The following AGTPBP1 variants were observed in gnomAD, a reference collection of about 807,000 sequenced individuals.
The protein encoded by AGTPBP1 is cytosolic carboxypeptidase 1.
In AGTPBP1, 70 loss-of-function variants were observed where a neutral mutation model predicts 143.9. That is an observed-to-expected ratio of 0.49 (90% CI 0.40 to 0.59). The LOEUF (loss-of-function observed/expected upper bound fraction) is 0.59. Ranked by LOEUF, AGTPBP1 falls within the 20% of genes least tolerant of loss-of-function variation. The probability of loss-of-function intolerance (pLI) is 0.00; values close to 1 mark genes in which losing one functional copy is unlikely to be tolerated. For missense variants in AGTPBP1, 1,229 were observed against 1,464.5 expected, an observed-to-expected ratio of 0.84 and a Z score of 2.62; for synonymous variants, 463 against 500.2, an observed-to-expected ratio of 0.93 and a Z score of 0.99.
At chr9:85,782,755 A>G in the AGTPBP1 span, among the ~76,000 whole-genome samples, 6 of 152,320 alleles carry the variant, frequency 3.9e-5, no homozygotes, top group South Asian at 1.0e-3. Flanking sequence ...TTGCCTGAGG[A>G]TAAAGACGTG....
At chr9:85,638,237 T>G (rs1832211334) in intron 13 of AGTPBP1, among the ~76,000 whole-genome samples, 1 of 152,176 alleles carries the variant, frequency 6.6e-6, no homozygotes, top group Non-Finnish European at 1.5e-5. Context: ...TACTTTAGAC[T>G]TTGATAAATA....
At chr9:85,677,944 C>A (rs143260119) in intron 5 of AGTPBP1, among the ~76,000 whole-genome samples, 98 of 152,274 alleles carry the variant, frequency 6.4e-4, no homozygotes, top group Non-Finnish European at 1.2e-3. Flanking sequence ...GCAGAGGTGG[C>A]AGTGGGCAGA....
chr9:85,640,402 T>C (rs1175856411), intron 13 of AGTPBP1, among the ~76,000 whole-genome samples: 5 of 152,240 alleles, frequency 3.3e-5, no homozygotes, highest in Admixed American at 1.3e-4. Flanking sequence ...GCTACAGAAA[T>C]AGAGCTACTC....
chr9:85,650,856 G>A (rs192021333), intron 11 of AGTPBP1, among the ~76,000 whole-genome samples: 1 of 152,194 alleles, frequency 6.6e-6, no homozygotes, highest in Admixed American at 6.5e-5. Context: ...GTGTTATCTA[G>A]CTTGCATAAA....
chr9:85,603,075 C>A (rs936217367), intron 17 of AGTPBP1, among the ~76,000 whole-genome samples: 2 of 152,182 alleles, frequency 1.3e-5, no homozygotes, highest in South Asian at 4.1e-4. Flanking sequence ...ACTTGAAAGG[C>A]AGTCTAGGTC....
chr9:85,798,057 A>ATTTTTT, the AGTPBP1 span, among the ~76,000 whole-genome samples: 2 of 135,598 alleles, frequency 1.5e-5, no homozygotes, highest in African/African-American at 2.7e-5. Flanking sequence ...CACATCGGCT[A>ATTTTTT]TTTTTTTTTT....
chr9:85,733,098 G>C (rs575428566), intron 1 of AGTPBP1, among the ~76,000 whole-genome samples: 1 of 152,070 alleles, frequency 6.6e-6, no homozygotes, highest in African/African-American at 2.4e-5. Flanking sequence ...GAAGTGAAGA[G>C]AGAGATGATT....
chr9:85,764,072 C>G, the AGTPBP1 span, among the ~76,000 whole-genome samples: 1 of 151,846 alleles, frequency 6.6e-6, no homozygotes, highest in Non-Finnish European at 1.5e-5. Context: ...TAACATAATT[C>G]TACAATGTAG....
chr9:85,565,149 C>A (rs1328259476), intron 25 of AGTPBP1, among the ~76,000 whole-genome samples: 1 of 152,188 alleles, frequency 6.6e-6, no homozygotes, highest in East Asian at 1.9e-4. Flanking sequence ...CTGACTAGGA[C>A]AACATCTGTC....
intron 2 of AGTPBP1, among the ~76,000 whole-genome samples, chr9:85,693,901 G>A (rs1011518440): frequency 2.0e-5 from 3 of 151,958 alleles, no homozygotes; most frequent in South Asian, 2.1e-4. Flanking sequence ...TAAGCAAGCC[G>A]TGCAAATACT....
chr9:85,655,580 G>C (rs572496018), intron 10 of AGTPBP1, among the ~76,000 whole-genome samples: 175 of 152,114 alleles, frequency 1.2e-3, no homozygotes, highest in Non-Finnish European at 2.0e-3. Context: ...CATCTTTGGA[G>C]TGACTTGGGG....
At chr9:85,638,713 TAAA>T (rs1239159534) in intron 13 of AGTPBP1, among the ~76,000 whole-genome samples, 2 of 151,892 alleles carry the variant, frequency 1.3e-5, no homozygotes, top group African/African-American at 4.8e-5. Context: ...TTCATAATGA[TAAA>T]AAGTCCAACT....
chr9:85,655,639 A>G (rs1833451750), intron 10 of AGTPBP1, among the ~76,000 whole-genome samples: 1 of 151,508 alleles, frequency 6.6e-6, no homozygotes, highest in Non-Finnish European at 1.5e-5. Flanking sequence ...AATTTAAGGG[A>G]AAAGGGGGAA....
the AGTPBP1 span, among the ~76,000 whole-genome samples, chr9:85,798,967 T>C: frequency 2.0e-5 from 3 of 152,166 alleles, no homozygotes; most frequent in East Asian, 5.8e-4. Context: ...TCATTTACAT[T>C]AGGTATACCT....
intron 25 of AGTPBP1, among the ~76,000 whole-genome samples, chr9:85,573,394 G>A (rs1827654493): frequency 6.6e-6 from 1 of 152,188 alleles, no homozygotes; most frequent in African/African-American, 2.4e-5. Flanking sequence ...ACGGAGTCTC[G>A]TTCACTCAGT....
chr9:85,728,775 GAA>G (rs972562298), intron 1 of AGTPBP1, among the ~76,000 whole-genome samples: 1 of 135,352 alleles, frequency 7.4e-6, no homozygotes, highest in African/African-American at 2.7e-5. Flanking sequence ...TTGCCAATCA[GAA>G]AAAAAAAAAA....
the AGTPBP1 span, among the ~76,000 whole-genome samples, chr9:85,762,065 A>G: frequency 1.3e-5 from 2 of 152,216 alleles, no homozygotes; most frequent in Non-Finnish European, 2.9e-5. Context: ...TCAAAACCAC[A>G]ATGAGATACC....
intron 17 of AGTPBP1, among the ~76,000 whole-genome samples, chr9:85,616,300 C>A (rs1473777849): frequency 6.6e-6 from 1 of 151,846 alleles, no homozygotes; most frequent in Admixed American, 6.6e-5. Flanking sequence ...AAAAATAAAG[C>A]AGCCATCTGT....
At position 85,586,855 on chromosome 9, in the gene AGTPBP1, C is replaced by T. The variant is rs2133178082; in HGVS notation, c.3009G>A (p.Leu1003=). The part of the protein sequence containing the change: ...IYHAKGLLQY[L]AAVKRLPLVY... ...CCAAGGGTAAACGCTTCACTGCAGC[C>T]AAGTATTGCAACAGCCCCTTAGCAT... Residue 1003 remains leucine, a synonymous_variant, in exon 22 of 26, where the codon TTG becomes TTA. Coordinates refer to ENST00000357081, the MANE Select transcript of AGTPBP1 (RefSeq NM_001330701.2). 1 of 1,613,792 alleles carries T rather than the reference C, an allele frequency of 6.2e-7. No individual in the cohort carries two copies. Among genetic ancestry groups the T allele is most frequent in the Non-Finnish European group, 8.5e-7 (1 of 1,179,832 alleles).
Sources: gnomAD v4.1 joint callset for allele counts (sites outside exome capture counted in the v4.1 genomes callset) on GRCh38, gnomAD v4.1.1 for gene constraint, MANE v1.5 for transcripts, NCBI Gene and HGNC (gene_info 2026-07-23, HGNC 2026-07-21) for gene names.